The following AGK variants were observed in gnomAD, a reference collection of about 807,000 sequenced individuals.
The protein encoded by AGK is acylglycerol kinase, mitochondrial.
In AGK, 52 loss-of-function variants were observed where a neutral mutation model predicts 66.4. The ratio of observed to expected loss-of-function variants is 0.78; its 90% CI spans 0.63 to 0.99. AGK has a LOEUF of 0.99. Ranked by LOEUF, AGK falls within the 50% of genes least tolerant of loss-of-function variation. The pLI is 0.00. For missense variants in AGK, 451 were observed against 506.6 expected (o/e 0.89, Z 1.05); for synonymous variants, 182 against 181.1 (o/e 1.00, Z -0.04).
rs530411701 is a variant in AGK at position 141,592,423 on chromosome 7, C to T, written c.102-723C>T. Among the ~76,000 whole-genome samples the T allele has an allele frequency of 2.6e-5, 4 of 152,318 alleles. No homozygotes were observed. In the South Asian group the frequency reaches 6.2e-4, roughly 24 times the overall value. Reference sequence around the variant, plus strand: ...TCACGTCTGCCTCTGATCACAACCACGAAACTCTCTGTTTTGGGACCTTTG... The same window carrying T: ...TCACGTCTGCCTCTGATCACAACCATGAAACTCTCTGTTTTGGGACCTTTG... On this transcript the variant is annotated intron_variant, in intron 2 of 15. Coordinates refer to ENST00000649286, the MANE Select transcript of AGK (RefSeq NM_018238.4).
chr7:141,592,806 C>T (rs772124380), intron 2 of AGK, among the ~76,000 whole-genome samples: 2 of 151,950 alleles, frequency 1.3e-5, no homozygotes, highest in African/African-American at 2.4e-5. Flanking sequence ...CAGGTTCAAG[C>T]GATTCTCCTG....
intron 2 of AGK, among the ~76,000 whole-genome samples, chr7:141,581,783 G>A (rs187469537): frequency 6.6e-6 from 1 of 151,990 alleles, no homozygotes; most frequent in Admixed American, 6.5e-5. Context: ...AGATAATTTA[G>A]TTAAAATGCC....
intron 5 of AGK, among the ~76,000 whole-genome samples, chr7:141,604,372 GTGTATATA>G (rs1562970538): frequency 3.4e-5 from 2 of 58,404 alleles, no homozygotes; most frequent in African/African-American, 7.1e-5. Context: ...GTGTGTGTGT[GTGTATATA>G]TATATATATA....
At chr7:141,650,803 A>G in intron 14 of AGK, 1 of 431,874 alleles carries the variant, frequency 2.3e-6, no homozygotes. Flanking sequence ...CAGATACCAA[A>G]ATCCACAGGT....
intron 11 of AGK, among the ~76,000 whole-genome samples, chr7:141,640,744 T>C (rs777133905): frequency 4.6e-5 from 7 of 151,972 alleles, no homozygotes; most frequent in African/African-American, 1.2e-4. Flanking sequence ...TGCCAGGACA[T>C]AGAAGACAAA....
intron 11 of AGK, among the ~76,000 whole-genome samples, chr7:141,637,255 A>C (rs1797195717): frequency 6.6e-6 from 1 of 152,132 alleles, no homozygotes; most frequent in East Asian, 1.9e-4. Context: ...ATCTCTCTTA[A>C]GCATTCTACT....
Position 141,654,943 on chromosome 7 carries a change from G to A in AGK, c.*2019G>A, listed in dbSNP as rs1797659433. On this transcript the variant is annotated 3_prime_UTR_variant, in exon 16 of 16. Transcript: ENST00000649286. ...TGCTTTTGGCAAAAACATAACAGAC[G>A]GTTCCAAACATCAGCATAAAGATCA... The A allele has an allele frequency of 6.6e-6, 1 of 152,096 alleles. No homozygotes were observed. 9.4% of individuals were successfully genotyped at this position (152,096 alleles called of 1,614,324 possible).
chr7:141,585,827 A>G (rs1795983258), intron 2 of AGK, among the ~76,000 whole-genome samples: 2 of 152,188 alleles, frequency 1.3e-5, no homozygotes, highest in Non-Finnish European at 2.9e-5. Flanking sequence ...TTTCTAATCC[A>G]GAGCCTTCTA....
chr7:141,597,005 G>T, intron 4 of AGK: 1 of 182,026 alleles, frequency 5.5e-6, no homozygotes, highest in Non-Finnish European at 1.2e-5. Context: ...CTGTGGGCTT[G>T]GGAGATCAGA....
At chr7:141,644,819 G>A (rs945517292) in intron 13 of AGK, among the ~76,000 whole-genome samples, 3 of 152,040 alleles carry the variant, frequency 2.0e-5, no homozygotes, top group South Asian at 4.1e-4. Context: ...AAAGCCAGTT[G>A]TCCAAGCGCC....
At chr7:141,581,932 G>A (rs1252637266) in intron 2 of AGK, among the ~76,000 whole-genome samples, 1 of 151,994 alleles carries the variant, frequency 6.6e-6, no homozygotes, top group African/African-American at 2.4e-5. Flanking sequence ...AGTTATGGGG[G>A]CAAGGGAAAC....
Position 141,634,086 on chromosome 7 carries a change from G to C in AGK, c.668+106G>C, listed in dbSNP as rs1013081353. Reference sequence around the variant, plus strand: ...TGATCTTCTGGGAATAAATTTGGTGGGCCTGGAGGTTGAATTATGTGTGAA... The same window carrying C: ...TGATCTTCTGGGAATAAATTTGGTGCGCCTGGAGGTTGAATTATGTGTGAA... On this transcript the variant is annotated intron_variant, in intron 10 of 15. Transcript: ENST00000649286. 13 of 969,958 alleles carry C rather than the reference G, an allele frequency of 1.3e-5. No homozygotes were observed. The African/African-American group carries it at 1.6e-4, about 12-fold the overall frequency. 60.1% of individuals were successfully genotyped at this position (969,958 alleles called of 1,614,324 possible). A position where few individuals can be genotyped will look rare whatever the true frequency, so the allele number is the denominator to read the frequency against.
chr7:141,554,481 G>GT (rs1272988747), intron 1 of AGK, among the ~76,000 whole-genome samples: 4 of 151,810 alleles, frequency 2.6e-5, no homozygotes, highest in African/African-American at 9.7e-5. Flanking sequence ...TATGTTTTGG[G>GT]TTTTTTCCCC....
intron 11 of AGK, among the ~76,000 whole-genome samples, chr7:141,638,178 G>A (rs1017788171): frequency 6.6e-6 from 1 of 152,146 alleles, no homozygotes; most frequent in Admixed American, 6.5e-5. Flanking sequence ...AAGTAAATCA[G>A]CAGTTTGGCA....
At chr7:141,648,813 G>C (rs1422170465) in intron 13 of AGK, among the ~76,000 whole-genome samples, 1 of 152,168 alleles carries the variant, frequency 6.6e-6, no homozygotes, top group African/African-American at 2.4e-5. Flanking sequence ...TGTATGTAGA[G>C]CATTAAAGAA....
chr7:141,576,822 A>G (rs923760434), intron 2 of AGK, among the ~76,000 whole-genome samples: 3 of 151,696 alleles, frequency 2.0e-5, no homozygotes, highest in Non-Finnish European at 4.4e-5. Flanking sequence ...GGCGGATCAC[A>G]AGGTCAGGAG....
rs909340855 is a variant in AGK at position 141,602,281 on chromosome 7, C to G, written c.297+1001C>G. 3.3e-5 allele frequency among the ~76,000 whole-genome samples: 5 copies of G among 151,808 alleles called. No individual in the cohort carries two copies. In the East Asian group the frequency reaches 7.7e-4, roughly 24 times the overall value. On this transcript the variant is annotated intron_variant, in intron 5 of 15. Coordinates refer to ENST00000649286, the MANE Select transcript of AGK (RefSeq NM_018238.4). ...ACTCCTGGACTCAAGTGATCCCCCCCACCTTGGCTTCCCAAAGTACTGGGA... is the reference window on the plus strand; with the variant it reads ...ACTCCTGGACTCAAGTGATCCCCCCGACCTTGGCTTCCCAAAGTACTGGGA...
chr7:141,650,451 AG>A, intron 14 of AGK: 1 of 953,620 alleles, frequency 1.0e-6, no homozygotes. Flanking sequence ...AGTGGCAGCC[AG>A]TGTCCTTCTG....
intron 5 of AGK, among the ~76,000 whole-genome samples, chr7:141,607,502 T>C (rs1290760374): frequency 1.3e-5 from 2 of 152,192 alleles, no homozygotes; most frequent in Non-Finnish European, 2.9e-5. Context: ...TTTCTTTTTG[T>C]TGAGTTTTAA....
Sources: allele counts gnomAD v4.1 joint callset (sites outside exome capture counted in the v4.1 genomes callset), GRCh38; gene constraint gnomAD v4.1.1; transcripts MANE v1.5; gene names NCBI Gene and HGNC (gene_info 2026-07-23, HGNC 2026-07-21).